PCDH15: variants seen among roughly 807,000 people sequenced by gnomAD.
PCDH15 encodes the protein protocadherin-15.
In PCDH15, 129 loss-of-function variants were observed where a neutral mutation model predicts 178.5. That is an observed-to-expected ratio of 0.72 (90% CI 0.63 to 0.84). The LOEUF (loss-of-function observed/expected upper bound fraction) is 0.84, where lower values mean the gene tolerates loss of function less well. Among genes scored for constraint, PCDH15 ranks in the 40% least tolerant of loss-of-function variants. The probability of loss-of-function intolerance (pLI) is 0.00; values close to 1 mark genes in which losing one functional copy is unlikely to be tolerated. For synonymous variants in PCDH15, 800 were observed against 732.0 expected (o/e 1.09, Z -1.50); for missense variants, 2,230 against 2,099.9 (o/e 1.06, Z -1.21).
intron 2 of PCDH15, among the ~76,000 whole-genome samples, chr10:55,020,558 A>G (rs10825435): frequency 3.3e-5 from 5 of 152,112 alleles, no homozygotes; most frequent in African/African-American, 1.2e-4. Context: ...CTATTACTAC[A>G]TTTTTTTCAT....
At chr10:53,842,157 G>A (rs1284152601) in intron 28 of PCDH15, among the ~76,000 whole-genome samples, 1 of 152,140 alleles carries the variant, frequency 6.6e-6, no homozygotes, top group East Asian at 1.9e-4. Context: ...ATGATATAAT[G>A]TTGAGGAGTA....
At chr10:55,514,342 TTGA>T (rs1840958234) in intron 2 of PCDH15, among the ~76,000 whole-genome samples, 1 of 152,128 alleles carries the variant, frequency 6.6e-6, no homozygotes, top group South Asian at 2.1e-4. Context: ...AAACTACCAC[TTGA>T]TGAGATTTGG....
rs192330035 is a variant in PCDH15, at chr10:54,270,492, G to T, written c.877-33561C>A. Among the ~76,000 whole-genome samples the T allele has an allele frequency of 2.4e-4, 36 of 152,198 alleles. No homozygotes were observed. In the East Asian group the frequency reaches 6.9e-3, roughly 29 times the overall value. ...CTGGGAATTCATTGAAGGAAGGTAT[G>T]GGTAAGTTGGGGGTCAAACTATAAA... is the stretch of plus-strand genomic sequence containing the variant. On this transcript the variant is annotated intron_variant, in intron 8 of 37. Transcript: ENST00000644397.
At chr10:54,841,683 T>A (rs1371093542) in intron 3 of PCDH15, among the ~76,000 whole-genome samples, 2 of 151,804 alleles carry the variant, frequency 1.3e-5, no homozygotes, top group East Asian at 3.8e-4. Context: ...TTTTCTCCAA[T>A]TTACATTAAT....
chr10:55,076,764 C>CTTTT lies in PCDH15; in HGVS notation c.-80+89808_-80+89811dup, dbSNP rs902966495. Among the ~76,000 whole-genome samples the CTTTT allele has an allele frequency of 1.1e-4, 12 of 106,772 alleles. 1 individual carries two copies. The highest frequency in any genetic ancestry group is 3.1e-4 in the East Asian group (1 of 3,178). The allele number at this position is 106,772 out of a possible 152,430, so 70.0% of individuals were successfully genotyped here. On this transcript the variant is annotated intron_variant, in intron 2 of 5. Coordinates refer to the PCDH15 transcript ENST00000458638. ...TGAGCCATCATGTGTGGCCTGTGAC[C>CTTTT]TTTTTTTTTTTTTTTTTTTTTTTGA...
intron 3 of PCDH15, among the ~76,000 whole-genome samples, chr10:54,516,942 T>C (rs1366944149): frequency 6.6e-6 from 1 of 151,932 alleles, no homozygotes; most frequent in African/African-American, 2.4e-5. Flanking sequence ...AACCCAGAAT[T>C]TCATATCCAG....
chr10:54,056,569 G>A (rs939602036), intron 18 of PCDH15, among the ~76,000 whole-genome samples: 2 of 152,064 alleles, frequency 1.3e-5, no homozygotes, highest in Admixed American at 1.3e-4. Context: ...CTGCCCCCAT[G>A]ATTCAATTAT....
chr10:54,575,888 A>G (rs769086203), intron 2 of PCDH15, among the ~76,000 whole-genome samples: 34 of 152,154 alleles, frequency 2.2e-4, no homozygotes, highest in Non-Finnish European at 4.4e-4. Context: ...ATTCCACACA[A>G]CATTGATTTT....
intron 2 of PCDH15, among the ~76,000 whole-genome samples, chr10:55,535,500 C>T (rs1841556948): frequency 6.6e-6 from 1 of 151,880 alleles, no homozygotes; most frequent in Admixed American, 6.6e-5. Context: ...CTCCAATGTA[C>T]AAGACAATAT....
Position 53,903,350 on chromosome 10 carries a change from T to C in PCDH15, c.3394A>G (p.Ile1132Val). Residue 1132 changes from isoleucine to valine, a missense_variant, in exon 26 of 38, where the codon ATT (isoleucine) becomes GTT (valine). By Grantham distance (29) the Ile-to-Val change is conservative. Coordinates refer to ENST00000644397, the MANE Select transcript of PCDH15 (RefSeq NM_001384140.1). ...PSKSNTAKVYIEIQDENNHPP... is the reference protein window; with the variant it reads ...PSKSNTAKVYVEIQDENNHPP... ...TGATTATTTTCATCCTGAATCTCAA[T>C]GTATACTTTAGCTGTATTGCCTGGA... The C allele has an allele frequency of 6.2e-7, 1 of 1,613,072 alleles. No homozygotes were observed. The highest frequency in any genetic ancestry group is 8.5e-7 in the Non-Finnish European group (1 of 1,179,462).
chr10:54,431,299 A>ATT (rs144359793), intron 3 of PCDH15, among the ~76,000 whole-genome samples: 8,082 of 151,554 alleles, frequency 0.053, 722 homozygotes, highest in African/African-American at 0.19. Context: ...ACAAAGACAT[A>ATT]AAAAAAAACT....
chr10:54,436,688 TA>T (rs1224352229), intron 3 of PCDH15, among the ~76,000 whole-genome samples: 18 of 152,254 alleles, frequency 1.2e-4, no homozygotes, highest in African/African-American at 3.9e-4. Context: ...ATGCTACAAT[TA>T]AAAAGAGAAA....
intron 3 of PCDH15, among the ~76,000 whole-genome samples, chr10:54,872,012 T>C (rs1954049040): frequency 6.6e-6 from 1 of 152,090 alleles, no homozygotes; most frequent in Non-Finnish European, 1.5e-5. Context: ...CTATTAAAAA[T>C]CTGAGCCCTA....
intron 25 of PCDH15, among the ~76,000 whole-genome samples, chr10:53,935,872 T>G (rs2384336): frequency 0.025 from 3,810 of 151,744 alleles, 141 homozygotes; most frequent in African/African-American, 0.083. Context: ...GTAATAAAAA[T>G]AAAAAAATAA....
chr10:54,941,566 T>C (rs1466534452), intron 2 of PCDH15, among the ~76,000 whole-genome samples: 11 of 152,130 alleles, frequency 7.2e-5, no homozygotes, highest in Admixed American at 7.2e-4. Flanking sequence ...TGAAGATTTG[T>C]CTGCTAACCC....
intron 2 of PCDH15, among the ~76,000 whole-genome samples, chr10:55,133,259 T>C (rs1267617408): frequency 1.3e-5 from 2 of 152,210 alleles, no homozygotes; most frequent in Non-Finnish European, 2.9e-5. Flanking sequence ...TTCATGTTGC[T>C]AAATCCAATG....
At chr10:55,106,207 T>A (rs1422744416) in intron 2 of PCDH15, among the ~76,000 whole-genome samples, 2 of 152,096 alleles carry the variant, frequency 1.3e-5, no homozygotes, top group Admixed American at 1.3e-4. Flanking sequence ...TAACTTGAAA[T>A]TAGCCATGGT....
chr10:53,926,454 T>C (rs1214405204), intron 25 of PCDH15, among the ~76,000 whole-genome samples: 2 of 152,150 alleles, frequency 1.3e-5, no homozygotes, highest in Admixed American at 1.3e-4. Flanking sequence ...ATTAAACGAG[T>C]ATCTCAGGTA....
intron 9 of PCDH15, among the ~76,000 whole-genome samples, chr10:54,223,728 A>C (rs982979995): frequency 3.3e-5 from 5 of 152,038 alleles, no homozygotes; most frequent in African/African-American, 9.6e-5. Flanking sequence ...TTTAGAGCAA[A>C]GAATCAGAAG....
Sources: gnomAD v4.1 joint callset for allele counts (sites outside exome capture counted in the v4.1 genomes callset) on GRCh38, gnomAD v4.1.1 for gene constraint, MANE v1.5 for transcripts, NCBI Gene and HGNC (gene_info 2026-07-23, HGNC 2026-07-21) for gene names.